Variants in DACH1 observed in about 807,000 individuals in gnomAD.
DACH1 encodes dachshund homolog 1.
In DACH1, 12 loss-of-function variants were observed where a neutral mutation model predicts 54.2. The ratio of observed to expected loss-of-function variants is 0.22; its 90% confidence interval spans 0.14 to 0.36. The LOEUF (loss-of-function observed/expected upper bound fraction) is 0.36, where lower values mean the gene tolerates loss of function less well. Among genes scored for constraint, DACH1 ranks in the 10% least tolerant of loss-of-function variants. The probability of loss-of-function intolerance (pLI) is 1.00; values close to 1 mark genes in which losing one functional copy is unlikely to be tolerated. For synonymous variants in DACH1, 386 were observed against 366.2 expected (o/e 1.05, Z -0.62); for missense variants, 805 against 929.8 (o/e 0.87, Z 1.75).
At chr13:71,751,693 A>G (rs2137979861) in intron 1 of DACH1, among the ~76,000 whole-genome samples, 1 of 152,288 alleles carries the variant, frequency 6.6e-6, no homozygotes, top group East Asian at 1.9e-4. Context: ...AAAAAGTAAA[A>G]AACTAACAAT....
At chr13:71,837,148 A>G in intron 1 of DACH1, among the ~76,000 whole-genome samples, 1 of 152,096 alleles carries the variant, frequency 6.6e-6, no homozygotes, top group Middle Eastern at 3.2e-3. Context: ...ACCTTAAATA[A>G]TAAGGCAAAT....
intron 2 of DACH1, among the ~76,000 whole-genome samples, chr13:71,655,430 T>C (rs1879027875): frequency 1.3e-5 from 2 of 151,218 alleles, no homozygotes; most frequent in South Asian, 4.2e-4. Flanking sequence ...GAGTGCAATG[T>C]AGGGATCTCG....
chr13:71,461,499 C>T (rs1876072708), intron 10 of DACH1, among the ~76,000 whole-genome samples: 1 of 151,976 alleles, frequency 6.6e-6, no homozygotes, highest in Admixed American at 6.6e-5. Context: ...TTCTACATTG[C>T]TTTTAAGAAT....
At chr13:71,756,260 G>A (rs1885150120) in intron 1 of DACH1, among the ~76,000 whole-genome samples, 2 of 151,758 alleles carry the variant, frequency 1.3e-5, no homozygotes, top group Admixed American at 6.6e-5. Flanking sequence ...AGCCAGGATG[G>A]TCTTGATCTC....
At chr13:71,805,305 A>T (rs1377211545) in intron 1 of DACH1, among the ~76,000 whole-genome samples, 1 of 152,208 alleles carries the variant, frequency 6.6e-6, no homozygotes, top group African/African-American at 2.4e-5. Flanking sequence ...ACCAAAATCT[A>T]TGAGACGCAA....
intron 1 of DACH1, among the ~76,000 whole-genome samples, chr13:71,860,598 C>G (rs904427879): frequency 1.3e-5 from 2 of 151,728 alleles, no homozygotes; most frequent in African/African-American, 2.4e-5. Flanking sequence ...TCACCTGTAC[C>G]TATTTAGAAG....
chr13:71,752,481 T>C (rs1594177863), intron 1 of DACH1, among the ~76,000 whole-genome samples: 1 of 104,682 alleles, frequency 9.6e-6, no homozygotes, highest in Non-Finnish European at 2.4e-5. Context: ...TGTCTGTCTC[T>C]CTTCCTTTCT....
chr13:71,553,928 T>G (rs2138367533), intron 6 of DACH1, among the ~76,000 whole-genome samples: 1 of 152,008 alleles, frequency 6.6e-6, no homozygotes, highest in Middle Eastern at 3.4e-3. Flanking sequence ...GGCATCTATT[T>G]TTGGAATCAG....
intron 1 of DACH1, among the ~76,000 whole-genome samples, chr13:71,806,361 T>C (rs948546652): frequency 1.3e-5 from 2 of 152,202 alleles, no homozygotes; most frequent in Non-Finnish European, 2.9e-5. Flanking sequence ...CAGTTTCCTT[T>C]TGATATGTGG....
intron 3 of DACH1, among the ~76,000 whole-genome samples, chr13:71,579,349 A>G (rs895196737): frequency 3.9e-5 from 6 of 152,180 alleles, no homozygotes; most frequent in Admixed American, 2.0e-4. Flanking sequence ...CAAAGCACAC[A>G]CAAATTAATG....
intron 1 of DACH1, among the ~76,000 whole-genome samples, chr13:71,776,237 T>C (rs1258022423): frequency 6.6e-6 from 1 of 152,132 alleles, no homozygotes; most frequent in African/African-American, 2.4e-5. Flanking sequence ...AGTAAAATGT[T>C]TCACAACCAA....
At chr13:71,748,217 G>A (rs989948392) in intron 1 of DACH1, among the ~76,000 whole-genome samples, 1 of 151,850 alleles carries the variant, frequency 6.6e-6, no homozygotes, top group South Asian at 2.1e-4. Context: ...TTGAGGGGGG[G>A]AAAGCAAAGT....
At chr13:71,831,598 A>G (rs1479047699) in intron 1 of DACH1, among the ~76,000 whole-genome samples, 1 of 151,878 alleles carries the variant, frequency 6.6e-6, no homozygotes, top group East Asian at 1.9e-4. Flanking sequence ...ACCCCCTTCA[A>G]ATGAACAGCT....
rs528264985 is a variant in DACH1, at chr13:71,844,102, T to C, written c.848+21820A>G. 5.6e-4 allele frequency among the ~76,000 whole-genome samples: 86 copies of C among 152,272 alleles called. 1 individual carries two copies. The South Asian group carries it at 0.018, about 32-fold the overall frequency. The stretch of plus-strand genomic sequence containing the variant: ...ACAGAAGGGCCCCTCACCTGAATCT[T>C]AGCACTAAAAGTTACAAAAGAAAAA... On this transcript the variant is annotated intron_variant, in intron 1 of 10. Coordinates refer to ENST00000613252, the MANE Select transcript of DACH1 (RefSeq NM_080759.6).
chr13:71,687,194 G>C (rs1881211920), intron 1 of DACH1, among the ~76,000 whole-genome samples: 1 of 151,900 alleles, frequency 6.6e-6, no homozygotes, highest in Non-Finnish European at 1.5e-5. Flanking sequence ...AAACCAAGAG[G>C]TTTGTAAACT....
chr13:71,571,665 C>T (rs1165905810), intron 4 of DACH1, among the ~76,000 whole-genome samples: 1 of 151,196 alleles, frequency 6.6e-6, no homozygotes. Flanking sequence ...GTTTTTAGAG[C>T]CATTAATATA....
At chr13:71,593,890 A>G (rs1190148054) in intron 3 of DACH1, among the ~76,000 whole-genome samples, 6 of 151,738 alleles carry the variant, frequency 4.0e-5, no homozygotes, top group Non-Finnish European at 8.8e-5. Context: ...CTGAAAATTT[A>G]AAATTCTAAA....
intron 1 of DACH1, among the ~76,000 whole-genome samples, chr13:71,856,485 C>T (rs1421755631): frequency 2.0e-5 from 3 of 151,942 alleles, no homozygotes; most frequent in Non-Finnish European, 2.9e-5. Flanking sequence ...TATTTTGAAA[C>T]TATTTTCACT....
intron 10 of DACH1, among the ~76,000 whole-genome samples, chr13:71,443,675 T>C (rs1305340939): frequency 1.3e-5 from 2 of 152,160 alleles, no homozygotes; most frequent in East Asian, 3.8e-4. Flanking sequence ...GCACAAACTG[T>C]GTCTAATTCT....
Sources: gnomAD v4.1 joint callset for allele counts (sites outside exome capture counted in the v4.1 genomes callset) on GRCh38, gnomAD v4.1.1 for gene constraint, MANE v1.5 for transcripts, NCBI Gene and HGNC (gene_info 2026-07-23, HGNC 2026-07-21) for gene names.